The following MTHFD1L variants were observed in gnomAD, a reference collection of about 807,000 sequenced individuals.
MTHFD1L encodes methylenetetrahydrofolate dehydrogenase (NADP+ dependent) 1 like, also known as monofunctional C1-tetrahydrofolate synthase, mitochondrial.
A neutral mutation model predicts 119.5 loss-of-function variants in MTHFD1L; 81 were observed. The observed-to-expected ratio is 0.68, with a 90% CI of 0.57 to 0.82. The LOEUF (loss-of-function observed/expected upper bound fraction) is 0.82. Among genes scored for constraint, MTHFD1L ranks in the 40% least tolerant of loss-of-function variants. MTHFD1L has a pLI of 0.00. For missense variants in MTHFD1L, 1,125 were observed against 1,253.4 expected (o/e 0.90, Z 1.55); for synonymous variants, 430 against 475.2 (o/e 0.90, Z 1.24).
chr6:150,915,639 T>C (rs1787724161), intron 8 of MTHFD1L, among the ~76,000 whole-genome samples: 1 of 152,212 alleles, frequency 6.6e-6, no homozygotes, highest in South Asian at 2.1e-4. Context: ...CTCACTCTGT[T>C]GCCCAGGGTG....
intron 26 of MTHFD1L, among the ~76,000 whole-genome samples, chr6:151,048,499 C>T (rs1363534583): frequency 6.6e-6 from 1 of 152,172 alleles, no homozygotes; most frequent in Non-Finnish European, 1.5e-5. Flanking sequence ...TGCTAGTGGC[C>T]TGCCAACCCT....
chr6:151,070,617 A>T (rs1791851290), intron 26 of MTHFD1L, among the ~76,000 whole-genome samples: 1 of 152,212 alleles, frequency 6.6e-6, no homozygotes, highest in African/African-American at 2.4e-5. Context: ...CTCTGTCCTA[A>T]CTACTCAACT....
chr6:150,871,131 A>T (rs954017231), intron 1 of MTHFD1L, among the ~76,000 whole-genome samples: 37 of 144,008 alleles, frequency 2.6e-4, no homozygotes, highest in Middle Eastern at 3.6e-3. Flanking sequence ...TATATATCTT[A>T]ATATATATAT....
chr6:150,929,864 C>CTTT (rs58153937), intron 11 of MTHFD1L, among the ~76,000 whole-genome samples: 2 of 151,850 alleles, frequency 1.3e-5, no homozygotes, highest in Non-Finnish European at 1.5e-5. Flanking sequence ...TGGCCTGTCT[C>CTTT]TTTTTTAACT....
At chr6:150,932,788 AAGGAAGAAAGGG>A (rs1299281360) in intron 11 of MTHFD1L, among the ~76,000 whole-genome samples, 2 of 125,908 alleles carry the variant, frequency 1.6e-5, no homozygotes, top group Non-Finnish European at 3.1e-5. Flanking sequence ...AAAAAAGAGA[AAGGAAGAAAGGG>A]AGGAAGAGAG....
At chr6:150,867,903 T>G (rs1778700969) in intron 1 of MTHFD1L, among the ~76,000 whole-genome samples, 1 of 150,808 alleles carries the variant, frequency 6.6e-6, no homozygotes, top group Admixed American at 6.6e-5. Context: ...GTTCAGGCGA[T>G]TCCCCTGCCT....
chr6:151,091,353 A>G (rs1794429212), intron 26 of MTHFD1L, among the ~76,000 whole-genome samples: 1 of 152,178 alleles, frequency 6.6e-6, no homozygotes, highest in African/African-American at 2.4e-5. Context: ...AAATGCTGAA[A>G]TGGAAAAGGA....
At chr6:151,059,840 A>G (rs1790420170) in intron 26 of MTHFD1L, among the ~76,000 whole-genome samples, 1 of 152,176 alleles carries the variant, frequency 6.6e-6, no homozygotes, top group Non-Finnish European at 1.5e-5. Flanking sequence ...TACACCATGC[A>G]CTAGGGAGTC....
intron 26 of MTHFD1L, among the ~76,000 whole-genome samples, chr6:151,049,845 T>C (rs1788741864): frequency 1.3e-5 from 2 of 152,154 alleles, no homozygotes; most frequent in Admixed American, 6.5e-5. Flanking sequence ...TGTTATAATG[T>C]TGGGGGTGTC....
chr6:150,884,487 G>A (rs966457919), intron 5 of MTHFD1L, among the ~76,000 whole-genome samples: 7 of 151,818 alleles, frequency 4.6e-5, no homozygotes, highest in Non-Finnish European at 8.8e-5. Context: ...TTTAAAAAAC[G>A]ACAATCTCCA....
intron 1 of MTHFD1L, among the ~76,000 whole-genome samples, chr6:150,871,142 A>G (rs1376271466): frequency 6.9e-6 from 1 of 145,638 alleles, no homozygotes; most frequent in African/African-American, 2.5e-5. Flanking sequence ...ATATATATAT[A>G]TAAGGTAATA....
At chr6:150,908,724 G>A (rs962800545) in intron 8 of MTHFD1L, among the ~76,000 whole-genome samples, 44 of 151,980 alleles carry the variant, frequency 2.9e-4, no homozygotes, top group African/African-American at 9.6e-4. Flanking sequence ...GAACAGTTTC[G>A]GGGTGGTGCT....
At chr6:150,868,472 T>A (rs1964824) in intron 1 of MTHFD1L, among the ~76,000 whole-genome samples, 15,778 of 151,770 alleles carry the variant, frequency 0.1, 1,022 homozygotes, top group Admixed American at 0.21. Context: ...CCTGAGTAGC[T>A]GGGATTACAG....
chr6:151,034,346 A>T (rs971611111), intron 24 of MTHFD1L, 147 bp from the exon 25 acceptor site: 2 of 630,306 alleles, frequency 3.2e-6, no homozygotes, highest in Admixed American at 5.8e-5. Context: ...AAAGGAAAAA[A>T]GAGGGTTTGC....
intron 26 of MTHFD1L, among the ~76,000 whole-genome samples, chr6:151,086,863 C>A (rs956222225): frequency 1.3e-5 from 2 of 152,144 alleles, no homozygotes; most frequent in Admixed American, 6.6e-5. Context: ...TATTGCCAGG[C>A]ACCGTGTTAA....
At chr6:150,953,729 C>G (rs1471587921) in intron 16 of MTHFD1L, among the ~76,000 whole-genome samples, 1 of 151,524 alleles carries the variant, frequency 6.6e-6, no homozygotes, top group Admixed American at 6.6e-5. Context: ...ATTTTTTTTT[C>G]TTGTTTTCTC....
intron 22 of MTHFD1L, 84 bp downstream of exon 22, chr6:151,013,904 A>G (rs927022521): frequency 8.2e-7 from 1 of 1,212,212 alleles, no homozygotes; most frequent in East Asian, 2.4e-5. Context: ...GCCCTCCTTC[A>G]GTGGCCTCTT....
chr6:150,955,989 T>A lies in MTHFD1L; in HGVS notation c.1727-6T>A. ...TCGACTGAATGACTAATCTGTTCTCTTTCAGTATTGGATACAAATGACCGA... is the reference window on the plus strand; with the variant it reads ...TCGACTGAATGACTAATCTGTTCTCATTCAGTATTGGATACAAATGACCGA... On this transcript the variant is annotated splice_region_variant and splice_polypyrimidine_tract_variant and intron_variant, in intron 16 of 27. Transcript: ENST00000367321. The A allele has an allele frequency of 6.2e-7, 1 of 1,611,486 alleles. No individual in the cohort carries two copies. The highest frequency in any genetic ancestry group is 1.1e-5 in the South Asian group (1 of 91,006).
chr6:150,901,481 A>G (rs1785091228), intron 7 of MTHFD1L, among the ~76,000 whole-genome samples: 1 of 152,226 alleles, frequency 6.6e-6, no homozygotes, highest in African/African-American at 2.4e-5. Context: ...CCGTCTCCAA[A>G]AATAAATAAA....
Sources: gnomAD v4.1 joint callset for allele counts (sites outside exome capture counted in the v4.1 genomes callset) on GRCh38, gnomAD v4.1.1 for gene constraint, MANE v1.5 for transcripts, NCBI Gene and HGNC (gene_info 2026-07-23, HGNC 2026-07-21) for gene names.